Variants in CDC5L observed in about 807,000 individuals in gnomAD.
CDC5L encodes the protein cell division cycle 5-like protein.
A neutral mutation model predicts 104.1 loss-of-function variants in CDC5L; 18 were observed. The ratio of observed to expected loss-of-function variants is 0.17; its 90% CI spans 0.12 to 0.26. The LOEUF is 0.26. Among genes scored for constraint, CDC5L ranks in the 10% least tolerant of loss-of-function variants. The probability of loss-of-function intolerance (pLI) is 1.00; values close to 1 mark genes in which losing one functional copy is unlikely to be tolerated. For synonymous variants in CDC5L, 331 were observed against 322.7 expected (o/e 1.03, Z -0.28); for missense variants, 673 against 956.9 (o/e 0.70, Z 3.91).
In CDC5L at chr6:44,435,980, A is replaced by G. The variant is rs573626858; in HGVS notation, c.2091+6070A>G. 3.9e-4 allele frequency among the ~76,000 whole-genome samples: 59 copies of G among 152,084 alleles called. 1 individual carries two copies. The South Asian group carries it at 0.011, about 30-fold the overall frequency. ...TATTTTAGTAGAGACGGGTTTCACC[A>G]TGGGTCAGGCTGGTCTTGAACTCCT... On this transcript the variant is annotated intron_variant, in intron 14 of 15. Transcript: ENST00000371477.
Position 44,446,782 on chromosome 6 carries a change from G to GT in CDC5L, c.*74dup. On this transcript the variant is annotated 3_prime_UTR_variant, in exon 16 of 16. Coordinates refer to ENST00000371477, the MANE Select transcript of CDC5L (RefSeq NM_001253.4). ...CATACTCTAGAAGGCTGAAACTGAT[G>GT]TTTATCTTCATTGACAAATTTACCC... The GT allele has an allele frequency of 1.4e-6, 1 of 731,226 alleles. No individual in the cohort carries two copies. The highest frequency in any genetic ancestry group is 1.8e-5 in the South Asian group (1 of 54,266). The allele number at this position is 731,226 out of a possible 1,614,324, so 45.3% of individuals were successfully genotyped here. A position where few individuals can be genotyped will look rare whatever the true frequency, so the allele number is the denominator to read the frequency against.
rs1790400218 is a variant in CDC5L, at chr6:44,387,882, T to TCCCGCCGTCCGCTG, written c.45+22_45+35dup. 6.4e-7 allele frequency: 1 copy of TCCCGCCGTCCGCTG among 1,554,060 alleles called. No homozygotes were observed. The highest frequency in any genetic ancestry group is 1.4e-5 in the African/African-American group (1 of 73,176). ...AGGAATACCGAGGTAAGTCTCCTTTTCCCGCCGTCCGCTGCCCGCCGCTCC... is the reference window on the plus strand; with the variant it reads ...AGGAATACCGAGGTAAGTCTCCTTTTCCCGCCGTCCGCTGCCCGCCGTCCGCTGCCCGCCGCTCC... On this transcript the variant is annotated intron_variant, in intron 1 of 15. Transcript: ENST00000371477.
rs2153384857 is a variant in CDC5L, at chr6:44,447,019, A to G, written c.*308A>G. The G allele has an allele frequency of 5.5e-6, 1 of 183,484 alleles. No individual in the cohort carries two copies. The highest frequency in any genetic ancestry group is 2.3e-5 in the African/African-American group (1 of 42,744). The allele number at this position is 183,484 out of a possible 1,614,324, so 11.4% of individuals were successfully genotyped here. On this transcript the variant is annotated 3_prime_UTR_variant, in exon 16 of 16. Coordinates refer to ENST00000371477, the MANE Select transcript of CDC5L (RefSeq NM_001253.4). ...AGTGCTGCCTGTGAGTAACTCTTGA[A>G]TAAAAACAAAATATAAAAAATTGAG...
In CDC5L at chr6:44,422,684, A is replaced by T. The variant is rs762122155; in HGVS notation, c.1279A>T (p.Ser427Cys). ...SNGAEGLTPR[S>C]GTTPKPVINS... ...TGGAGCTGAAGGGCTGACTCCCCGG[A>T]GTGGAACAACTCCCAAACCAGTTAT... Residue 427 changes from serine (S) to cysteine (C), a missense_variant, in exon 10 of 16, where the codon AGT (serine) becomes TGT (cysteine). By Grantham distance (112) the Ser-to-Cys change is moderately radical. Transcript: ENST00000371477. 6.2e-7 allele frequency: 1 copy of T among 1,613,144 alleles called. No individual in the cohort carries two copies. The highest frequency in any genetic ancestry group is 8.5e-7 in the Non-Finnish European group (1 of 1,179,462).
At chr6:44,419,653 A>C (rs1376064874) in intron 9 of CDC5L, 56 bp downstream of exon 9, 15 of 1,379,924 alleles carry the variant, frequency 1.1e-5, no homozygotes, top group Non-Finnish European at 1.3e-5. Context: ...AGGACTTAGC[A>C]TATTTGCTTT....
chr6:44,404,725 C>T (rs1213729751), intron 6 of CDC5L, among the ~76,000 whole-genome samples: 1 of 151,876 alleles, frequency 6.6e-6, no homozygotes, highest in Non-Finnish European at 1.5e-5. Context: ...GACAAGGTCT[C>T]ACTCTTATCA....
chr6:44,433,255 T>G (rs1362972384), intron 14 of CDC5L, among the ~76,000 whole-genome samples: 1 of 152,178 alleles, frequency 6.6e-6, no homozygotes, highest in Admixed American at 6.5e-5. Context: ...TTCTCTGTGT[T>G]TGTGGGCTTC....
At chr6:44,442,635 A>G (rs971841127) in intron 14 of CDC5L, among the ~76,000 whole-genome samples, 1 of 152,058 alleles carries the variant, frequency 6.6e-6, no homozygotes, top group African/African-American at 2.4e-5. Context: ...TAAAATTTTT[A>G]TATAATATTT....
Position 44,448,944 on chromosome 6 carries a change from A to G in CDC5L, c.*2233A>G, listed in dbSNP as rs941362822. The G allele has an allele frequency of 6.6e-6, 1 of 152,214 alleles. No homozygotes were observed. Among genetic ancestry groups the G allele is most frequent in the African/African-American group, 2.4e-5 (1 of 41,450 alleles). 9.4% of individuals were successfully genotyped at this position (152,214 alleles called of 1,614,324 possible). ...ATACCATTTGGGCATCTATTAAAGC[A>G]TTCATATAATTGTTCTCATTTGATG... On this transcript the variant is annotated 3_prime_UTR_variant, in exon 16 of 16. Transcript: ENST00000371477.
chr6:44,395,767 A>C (rs1049058734), intron 4 of CDC5L, among the ~76,000 whole-genome samples: 1 of 152,126 alleles, frequency 6.6e-6, no homozygotes, highest in African/African-American at 2.4e-5. Context: ...TTCCCATGTG[A>C]TTTAGTTGGA....
At chr6:44,388,857 C>A (rs1272343430) in intron 1 of CDC5L, among the ~76,000 whole-genome samples, 2 of 152,166 alleles carry the variant, frequency 1.3e-5, no homozygotes, top group Non-Finnish European at 1.5e-5. Context: ...GTAAGCATCA[C>A]ATCCTCTGTG....
At chr6:44,429,405 T>C (rs1376417292) in intron 13 of CDC5L, among the ~76,000 whole-genome samples, 1 of 152,212 alleles carries the variant, frequency 6.6e-6, no homozygotes, top group East Asian at 1.9e-4. Flanking sequence ...GTAAAACTTT[T>C]AAACCTAGTT....
chr6:44,425,843 A>G (rs748418773), intron 11 of CDC5L, among the ~76,000 whole-genome samples: 6 of 152,040 alleles, frequency 3.9e-5, no homozygotes, highest in Non-Finnish European at 8.8e-5. Flanking sequence ...AGATGAGAAA[A>G]GTTTGTTACG....
intron 14 of CDC5L, among the ~76,000 whole-genome samples, chr6:44,436,897 A>G (rs1321708547): frequency 6.6e-6 from 1 of 152,226 alleles, no homozygotes; most frequent in Non-Finnish European, 1.5e-5. Context: ...AATTGTATCA[A>G]GTGTCGGTCT....
chr6:44,387,745 T>C lies in CDC5L; in HGVS notation c.-79T>C. 1 of 1,308,436 alleles carries C rather than the reference T, an allele frequency of 7.6e-7. No homozygotes were observed. The highest frequency in any genetic ancestry group is 1.1e-6 in the Non-Finnish European group (1 of 928,828). The allele number at this position is 1,308,436 out of a possible 1,614,324, so 81.1% of individuals were successfully genotyped here. On this transcript the variant is annotated 5_prime_UTR_variant, in exon 1 of 16. Coordinates refer to ENST00000371477, the MANE Select transcript of CDC5L (RefSeq NM_001253.4). ...GTCGCGCTTGGAGGAAGTGGCGGCT[T>C]TGAGTCCGGTGGCCCAATCGCTGTT... is the stretch of plus-strand genomic sequence containing the variant.
chr6:44,435,927 G>A (rs1469029812), intron 14 of CDC5L, among the ~76,000 whole-genome samples: 15 of 151,822 alleles, frequency 9.9e-5, no homozygotes, highest in Non-Finnish European at 2.9e-5. Flanking sequence ...GATTACAGGT[G>A]CCTGCCACCA....
At position 44,443,482 on chromosome 6, in the gene CDC5L, G is replaced by T. The variant is rs114006709; in HGVS notation, c.2092-2173G>T. Reference sequence around the variant, plus strand: ...TCTGGCACCTGATAATGCATAAGTTGTTCTCCATGATGGTGTCCCATAAGT... The same window carrying T: ...TCTGGCACCTGATAATGCATAAGTTTTTCTCCATGATGGTGTCCCATAAGT... On this transcript the variant is annotated intron_variant, in intron 14 of 15. Coordinates refer to ENST00000371477, the MANE Select transcript of CDC5L (RefSeq NM_001253.4). Among the ~76,000 whole-genome samples, 1,202 of 151,570 alleles carry T rather than the reference G, an allele frequency of 7.9e-3. 21 individuals are homozygous for T. The highest frequency in any genetic ancestry group is 0.028 in the African/African-American group (1,148 of 41,302).
At chr6:44,390,056 GTCTT>G (rs1790519704) in intron 1 of CDC5L, among the ~76,000 whole-genome samples, 1 of 152,130 alleles carries the variant, frequency 6.6e-6, no homozygotes, top group African/African-American at 2.4e-5. Context: ...GTGGGTAGCT[GTCTT>G]TCTAAGGGAT....
Position 44,420,380 on chromosome 6 carries a change from C to T in CDC5L, c.1241+783C>T, listed in dbSNP as rs111432363. Among the ~76,000 whole-genome samples, 984 of 146,106 alleles carry T rather than the reference C, an allele frequency of 6.7e-3. 2 individuals are homozygous for T. The highest frequency in any genetic ancestry group is 0.023 in the African/African-American group (895 of 39,454). Reference sequence around the variant, plus strand: ...CAAACTTTTTTTTTTTTTTTTGAGACGGACTTTTGCTTTTCTTGCCCAGGC... The same window carrying T: ...CAAACTTTTTTTTTTTTTTTTGAGATGGACTTTTGCTTTTCTTGCCCAGGC... On this transcript the variant is annotated intron_variant, in intron 9 of 15. Transcript: ENST00000371477.
Sources: gnomAD v4.1 joint callset for allele counts (sites outside exome capture counted in the v4.1 genomes callset) on GRCh38, gnomAD v4.1.1 for gene constraint, MANE v1.5 for transcripts, NCBI Gene and HGNC (gene_info 2026-07-23, HGNC 2026-07-21) for gene names.